CREM: variants seen among roughly 807,000 people sequenced by gnomAD.
CREM encodes the protein cAMP responsive element modulator, also known as cAMP-responsive element modulator.
CREM carries 13 observed loss-of-function variants against 37.3 expected under a neutral mutation model. That is an observed-to-expected ratio of 0.35 (90% CI 0.23 to 0.55). The LOEUF is 0.55. Ranked by LOEUF, CREM falls within the 20% of genes least tolerant of loss-of-function variation. The probability of loss-of-function intolerance (pLI) is 0.88; values close to 1 mark genes in which losing one functional copy is unlikely to be tolerated. For missense variants in CREM, 296 were observed against 362.3 expected (o/e 0.82, Z 1.49); for synonymous variants, 124 against 120.2 (o/e 1.03, Z -0.21).
chr10:35,132,201 CAA>C (rs374078423), intron 1 of CREM, among the ~76,000 whole-genome samples: 9 of 49,194 alleles, frequency 1.8e-4, no homozygotes, highest in Admixed American at 4.5e-4. Flanking sequence ...ACTTGAGTCT[CAA>C]AAAAAAAAAA....
At chr10:35,145,669 C>G (rs559034339) in intron 2 of CREM, among the ~76,000 whole-genome samples, 1 of 146,842 alleles carries the variant, frequency 6.8e-6, no homozygotes, top group Admixed American at 7.1e-5. Context: ...ATCCCAGCTA[C>G]GTGGGAGGCT....
At chr10:35,139,857 ATGT>A (rs2091191464) in intron 2 of CREM, among the ~76,000 whole-genome samples, 1 of 152,216 alleles carries the variant, frequency 6.6e-6, no homozygotes. Context: ...ATAGATGTTA[ATGT>A]TGTATGTACA....
At chr10:35,171,659 G>C (rs965940300) in intron 3 of CREM, among the ~76,000 whole-genome samples, 1 of 152,130 alleles carries the variant, frequency 6.6e-6, no homozygotes, top group African/African-American at 2.4e-5. Flanking sequence ...GACACCACCT[G>C]CCATCTCAAC....
intron 3 of CREM, among the ~76,000 whole-genome samples, chr10:35,164,842 G>A (rs2093460136): frequency 6.6e-6 from 1 of 152,108 alleles, no homozygotes; most frequent in African/African-American, 2.4e-5. Context: ...TTGAGCTCAG[G>A]AGTTCGAGAC....
chr10:35,149,258 A>G (rs2092397922), intron 3 of CREM, among the ~76,000 whole-genome samples: 1 of 152,178 alleles, frequency 6.6e-6, no homozygotes, highest in Non-Finnish European at 1.5e-5. Flanking sequence ...GGAGTCTGCC[A>G]GGTTGATAAG....
In CREM at chr10:35,186,765, T is replaced by TAACTATATATAA. The variant is rs1415334802; in HGVS notation, c.410-1433_410-1432insCTATATATAAAA. Among the ~76,000 whole-genome samples, 42 of 131,760 alleles carry TAACTATATATAA rather than the reference T, an allele frequency of 3.2e-4. No individual in the cohort carries two copies. In the East Asian group the frequency reaches 7.8e-3, roughly 24 times the overall value. The allele number at this position is 131,760 out of a possible 152,430, so 86.4% of individuals were successfully genotyped here. On this transcript the variant is annotated intron_variant, in intron 5 of 7. Coordinates refer to ENST00000685392, the MANE Select transcript of CREM (RefSeq NM_183011.2). ...AGTTATAATTATATATAGTTATATATAATATATAACAAATTATATATAACA... is the reference window on the plus strand; with the variant it reads ...AGTTATAATTATATATAGTTATATATAACTATATATAAAATATATAACAAATTATATATAACA...
chr10:35,180,253 A>G (rs1419352823), intron 5 of CREM, among the ~76,000 whole-genome samples: 1 of 152,184 alleles, frequency 6.6e-6, no homozygotes, highest in African/African-American at 2.4e-5. Flanking sequence ...AATATATGTG[A>G]TATTAAATAA....
intron 6 of CREM, chr10:35,195,073 G>A: frequency 9.6e-7 from 1 of 1,037,756 alleles, no homozygotes; most frequent in South Asian, 1.5e-5. Context: ...TGATAGGCTA[G>A]TGATGTCATT....
chr10:35,167,679 C>A (rs910112365), intron 3 of CREM: 1 of 1,583,836 alleles, frequency 6.3e-7, no homozygotes, highest in Non-Finnish European at 8.7e-7. Flanking sequence ...CATCATCTTA[C>A]CTTATTTCTT....
At chr10:35,166,157 C>T (rs1229200068) in intron 3 of CREM, among the ~76,000 whole-genome samples, 1 of 152,100 alleles carries the variant, frequency 6.6e-6, no homozygotes, top group Non-Finnish European at 1.5e-5. Context: ...AAATAATAAT[C>T]ATACTTGGCT....
At chr10:35,191,506 T>G (rs1023979977) in intron 6 of CREM, among the ~76,000 whole-genome samples, 1 of 152,050 alleles carries the variant, frequency 6.6e-6, no homozygotes, top group African/African-American at 2.4e-5. Context: ...GTGGGCATTC[T>G]TGTCTTCCTG....
At chr10:35,163,016 G>C (rs896811866) in intron 3 of CREM, among the ~76,000 whole-genome samples, 1 of 151,424 alleles carries the variant, frequency 6.6e-6, no homozygotes, top group African/African-American at 2.4e-5. Flanking sequence ...TTCAAGACCA[G>C]CCTGGGTCAA....
At chr10:35,196,621 A>G (rs1251322256) in intron 6 of CREM, 2 of 153,026 alleles carry the variant, frequency 1.3e-5, no homozygotes, top group Middle Eastern at 3.1e-3. Context: ...AGTTCTAGAG[A>G]TGCTATAGAC....
chr10:35,157,448 A>G lies in CREM; in HGVS notation c.168+8957A>G, dbSNP rs2092986754. On this transcript the variant is annotated intron_variant, in intron 3 of 7. Transcript: ENST00000685392. ...GAGTTAAGAGACCAGCCTGGGCAAC[A>G]TGGTGAAAGCCTGTCTCTACCAGAA... Among the ~76,000 whole-genome samples, 4 of 152,118 alleles carry G rather than the reference A, an allele frequency of 2.6e-5. No individual in the cohort carries two copies. The South Asian group carries it at 8.3e-4, about 32-fold the overall frequency.
intron 6 of CREM, among the ~76,000 whole-genome samples, chr10:35,189,508 A>G (rs187587099): frequency 6.3e-4 from 96 of 151,272 alleles, no homozygotes; most frequent in East Asian, 1.7e-3. Context: ...TTGTTTGTTT[A>G]TTTATTTATT....
chr10:35,192,697 C>T (rs1453946887), intron 6 of CREM, among the ~76,000 whole-genome samples: 2 of 151,902 alleles, frequency 1.3e-5, no homozygotes, highest in African/African-American at 2.4e-5. Context: ...AAGGGTGTCA[C>T]CCTCATGACC....
intron 5 of CREM, among the ~76,000 whole-genome samples, chr10:35,185,232 A>G (rs1249825051): frequency 6.6e-6 from 1 of 151,210 alleles, no homozygotes; most frequent in Admixed American, 6.6e-5. Context: ...CCTCCCGAGG[A>G]GCTGGGATTG....
intron 1 of CREM, among the ~76,000 whole-genome samples, chr10:35,132,002 C>T (rs2089476796): frequency 6.6e-6 from 1 of 151,920 alleles, no homozygotes; most frequent in South Asian, 2.1e-4. Flanking sequence ...AATCAGGAGA[C>T]CAGCCTGACC....
chr10:35,203,928 A>C (rs1255640803), intron 6 of CREM, among the ~76,000 whole-genome samples: 1 of 152,130 alleles, frequency 6.6e-6, no homozygotes, highest in Non-Finnish European at 1.5e-5. Flanking sequence ...TGCTGCCTGC[A>C]TGTGTCAACC....
Sources: allele counts gnomAD v4.1 joint callset (sites outside exome capture counted in the v4.1 genomes callset), GRCh38; gene constraint gnomAD v4.1.1; transcripts MANE v1.5; gene names NCBI Gene and HGNC (gene_info 2026-07-23, HGNC 2026-07-21).